PHC2: variants seen among roughly 807,000 people sequenced by gnomAD.
The protein encoded by PHC2 is polyhomeotic-like protein 2.
In PHC2, 29 loss-of-function variants were observed where a neutral mutation model predicts 87.4. The ratio of observed to expected loss-of-function variants is 0.33; its 90% confidence interval spans 0.25 to 0.45. The LOEUF is 0.45. PHC2 is among the 20% of genes least tolerant of loss of function. PHC2 has a pLI of 1.00. For missense variants in PHC2, 857 were observed against 1,136.7 expected, an observed-to-expected ratio of 0.75 and a Z score of 3.54; for synonymous variants, 438 against 461.7, an observed-to-expected ratio of 0.95 and a Z score of 0.66.
chr1:33,341,362 A>G (rs1181657356), intron 9 of PHC2, among the ~76,000 whole-genome samples: 1 of 152,238 alleles, frequency 6.6e-6, no homozygotes, highest in Non-Finnish European at 1.5e-5. Context: ...ACTTGGGAAA[A>G]GAGGACAAGA....
intron 1 of PHC2, among the ~76,000 whole-genome samples, chr1:33,421,693 T>C (rs1282447917): frequency 6.6e-6 from 1 of 152,192 alleles, no homozygotes; most frequent in Non-Finnish European, 1.5e-5. Context: ...TGGTGTGTTG[T>C]TTCTCAGTAT....
chr1:33,429,730 C>T (rs1650822196), intron 1 of PHC2, among the ~76,000 whole-genome samples: 1 of 152,226 alleles, frequency 6.6e-6, no homozygotes, highest in South Asian at 2.1e-4. Context: ...CTGGCATATG[C>T]CAAGTATTTG....
intron 1 of PHC2, among the ~76,000 whole-genome samples, chr1:33,394,133 C>G (rs143161196): frequency 1.3e-5 from 2 of 152,180 alleles, no homozygotes; most frequent in Non-Finnish European, 2.9e-5. Context: ...CCTTGGAATA[C>G]ATAACAGAAA....
intron 1 of PHC2, among the ~76,000 whole-genome samples, chr1:33,421,690 T>C (rs889163395): frequency 6.6e-6 from 1 of 152,244 alleles, no homozygotes; most frequent in Non-Finnish European, 1.5e-5. Context: ...GGGTGGTGTG[T>C]TGTTTCTCAG....
chr1:33,328,970 C>G lies in PHC2; in HGVS notation c.2325G>C (p.Met775Ile). The G allele has an allele frequency of 6.2e-7, 1 of 1,614,148 alleles. No individual in the cohort carries two copies. The highest frequency in any genetic ancestry group is 2.2e-5 in the East Asian group (1 of 44,888). The change falls in exon 14 of 15, where the codon ATG becomes ATC. Residue 775 changes from methionine to isoleucine, a missense_variant. By Grantham distance (10) the Met-to-Ile change is conservative (BLOSUM62 1). This residue lies in a region of PHC2 where 832 missense variants were observed against 1,081.8 expected (regional missense o/e 0.77). Transcript: ENST00000683057. ...QGQRDLELPD[M>I]HMRDLVGMGH... ...CCATGCCCACCAGGTCCCGCATATG[C>G]ATGTCGGGGAGCTCCAGGTCCCGCT...
Position 33,364,244 on chromosome 1 carries a change from CCCACTGCAAGTCTCCACTGGTTACT to C in PHC2, c.976+2847_976+2871del, listed in dbSNP as rs1647302242. 6.6e-6 allele frequency among the ~76,000 whole-genome samples: 1 copy of C among 152,102 alleles called. No individual in the cohort carries two copies. Among genetic ancestry groups the C allele is most frequent in the Admixed American group, 6.5e-5 (1 of 15,272 alleles). On this transcript the variant is annotated intron_variant, in intron 7 of 14. Transcript: ENST00000683057. This position sits in a 1 kb window ranked among gnomAD's most constrained non-coding sequence, Gnocchi z 4.1. Reference sequence around the variant, plus strand: ...TCACTGCCATACCCCCTCCTACTGGCCCACTGCAAGTCTCCACTGGTTACTTTCCCTGGGGGCAGCCAGCCAGCCA... The same window carrying C: ...TCACTGCCATACCCCCTCCTACTGGCTTCCCTGGGGGCAGCCAGCCAGCCA...
At chr1:33,329,247 T>G in intron 13 of PHC2, 101 bp from the exon 14 acceptor site, 1 of 1,262,234 alleles carries the variant, frequency 7.9e-7, no homozygotes, top group Non-Finnish European at 1.1e-6. Flanking sequence ...GGCCTACTAC[T>G]ACACATCTGA....
chr1:33,351,152 G>A (rs533452684), intron 9 of PHC2, among the ~76,000 whole-genome samples: 16 of 152,312 alleles, frequency 1.1e-4, no homozygotes, highest in African/African-American at 3.4e-4. Context: ...CATCTCTGCT[G>A]TTGCCGCAGG....
chr1:33,345,444 T>C (rs188119750), intron 9 of PHC2: 13 of 577,304 alleles, frequency 2.3e-5, no homozygotes, highest in African/African-American at 1.8e-4. Context: ...CATTTGGAAA[T>C]TGGAAGAACA....
intron 9 of PHC2, among the ~76,000 whole-genome samples, chr1:33,335,839 G>C: frequency 6.6e-6 from 1 of 150,978 alleles, no homozygotes. Flanking sequence ...GGTGGAGGCT[G>C]CAGTGAGCTG....
Position 33,334,337 on chromosome 1 carries a change from C to T in PHC2, c.1559-45G>A. On this transcript the variant is annotated intron_variant, in intron 9 of 14. Transcript: ENST00000683057. The surrounding 1 kb of genome is among the most constrained non-coding windows in gnomAD (Gnocchi z 5.5). ...AAAACAAAGCAGGGGAGATCAGAAC[C>T]AGAGTCCACGCCCAGGGAGGGACAG... 1 of 1,566,090 alleles carries T rather than the reference C, an allele frequency of 6.4e-7. No individual in the cohort carries two copies. The highest frequency in any genetic ancestry group is 1.1e-5 in the South Asian group (1 of 89,170).
chr1:33,359,929 G>A (rs1308693888), intron 7 of PHC2, among the ~76,000 whole-genome samples: 1 of 152,242 alleles, frequency 6.6e-6, no homozygotes, highest in Non-Finnish European at 1.5e-5. Context: ...CTGGGTCTAA[G>A]TTACGCTAGC....
At chr1:33,412,549 A>G (rs1444376752) in intron 1 of PHC2, among the ~76,000 whole-genome samples, 1 of 152,202 alleles carries the variant, frequency 6.6e-6, no homozygotes, top group Non-Finnish European at 1.5e-5. Flanking sequence ...AAGCATGATC[A>G]CTGATTGCCC....
In PHC2 at chr1:33,414,219, A is replaced by AC. The variant is rs66715668; in HGVS notation, c.-55+16756_-55+16757insG. Reference sequence around the variant, plus strand: ...CACACACACACACACACACACACACAAGAAAGGTTAACAGTTGAGGTTGAT... The same window carrying AC: ...CACACACACACACACACACACACACACAGAAAGGTTAACAGTTGAGGTTGAT... On this transcript the variant is annotated intron_variant, in intron 1 of 14. Coordinates refer to ENST00000683057, the MANE Select transcript of PHC2 (RefSeq NM_001385109.1). Among the ~76,000 whole-genome samples, 1,468 of 149,298 alleles carry AC rather than the reference A, an allele frequency of 9.8e-3. 24 individuals are homozygous for AC. Among genetic ancestry groups the AC allele is most frequent in the African/African-American group, 0.033 (1,328 of 40,348 alleles).
At chr1:33,401,770 A>T (rs1268129268) in intron 1 of PHC2, among the ~76,000 whole-genome samples, 4 of 152,228 alleles carry the variant, frequency 2.6e-5, no homozygotes, top group Admixed American at 2.6e-4. Context: ...GGAGGACTGG[A>T]CATCTCATTA....
intron 5 of PHC2, 146 bp downstream of exon 5, chr1:33,370,275 C>A: frequency 1.4e-6 from 1 of 722,468 alleles, no homozygotes; most frequent in Non-Finnish European, 2.2e-6. Flanking sequence ...ACTCAGCCTT[C>A]CAGGCCCCCT....
At chr1:33,424,177 TAGAG>T (rs1334869264) in intron 1 of PHC2, among the ~76,000 whole-genome samples, 2 of 152,216 alleles carry the variant, frequency 1.3e-5, no homozygotes, top group East Asian at 1.9e-4. Context: ...AATACTATTA[TAGAG>T]ATTGATTCAT....
At chr1:33,399,236 C>G (rs957123554) in intron 1 of PHC2, among the ~76,000 whole-genome samples, 1 of 151,998 alleles carries the variant, frequency 6.6e-6, no homozygotes, top group Non-Finnish European at 1.5e-5. Context: ...AGGGACCCTA[C>G]AAGGAATAAA....
intron 1 of PHC2, among the ~76,000 whole-genome samples, chr1:33,407,140 T>A (rs1180888943): frequency 6.6e-6 from 1 of 152,228 alleles, no homozygotes; most frequent in East Asian, 1.9e-4. Context: ...GTTACAATAC[T>A]TTTTATAGAT....
Sources: allele counts gnomAD v4.1 joint callset (sites outside exome capture counted in the v4.1 genomes callset), GRCh38; gene constraint gnomAD v4.1.1; regional missense constraint gnomAD v4.1.1; non-coding constraint Gnocchi (gnomAD v3.1); transcripts MANE v1.5; gene names NCBI Gene and HGNC (gene_info 2026-07-23, HGNC 2026-07-21).